MED21: variants seen among roughly 807,000 people sequenced by gnomAD.
The protein encoded by MED21 is mediator complex subunit 21.
In MED21, 9 loss-of-function variants were observed where a neutral mutation model predicts 18.2. The observed-to-expected ratio is 0.49, with a 90% confidence interval of 0.30 to 0.86. MED21 has a LOEUF of 0.86. Among genes scored for constraint, MED21 ranks in the 40% least tolerant of loss-of-function variants. MED21 has a pLI of 0.07. For synonymous variants in MED21, 73 were observed against 60.5 expected, an observed-to-expected ratio of 1.21 and a Z score of -0.96; for missense variants, 150 against 170.9, an observed-to-expected ratio of 0.88 and a Z score of 0.68.
chr12:27,031,457 C>T (rs1194366613), downstream of MED21, among the ~76,000 whole-genome samples: 2 of 152,194 alleles, frequency 1.3e-5, no homozygotes, highest in African/African-American at 4.8e-5. Flanking sequence ...TGGCATTTCA[C>T]TTTGATTTAA....
chr12:27,037,547 T>A (rs1228791362), intron 2 of MED21: 1 of 152,212 alleles, frequency 6.6e-6, no homozygotes, highest in African/African-American at 2.4e-5. Flanking sequence ...TTCCAGTTTT[T>A]GCCCATTCAG....
At position 27,029,902 on chromosome 12, in the gene MED21, A is replaced by G; in HGVS notation, c.*1441A>G. 1 of 686,966 alleles carries G rather than the reference A, an allele frequency of 1.5e-6. No homozygotes were observed. Among genetic ancestry groups the G allele is most frequent in the Non-Finnish European group, 1.8e-6 (1 of 557,588 alleles). The allele number at this position is 686,966 out of a possible 1,614,324, so 42.6% of individuals were successfully genotyped here. A position where few individuals can be genotyped will look rare whatever the true frequency, so the allele number is the denominator to read the frequency against. ...ATTTTTCAAATGAGGGAAAACTAAC[A>G]GGATTTATCACTAGTAAACCTGCTC... On this transcript the variant is annotated 3_prime_UTR_variant, in exon 4 of 4. Transcript: ENST00000282892.
In MED21 at chr12:27,030,342, C is replaced by A; in HGVS notation, c.*1881C>A. 1 of 442,542 alleles carries A rather than the reference C, an allele frequency of 2.3e-6. No homozygotes were observed. The highest frequency in any genetic ancestry group is 3.2e-5 in the East Asian group (1 of 30,996). 27.4% of individuals were successfully genotyped at this position (442,542 alleles called of 1,614,324 possible). On this transcript the variant is annotated 3_prime_UTR_variant, in exon 4 of 4. Transcript: ENST00000282892. Reference sequence around the variant, plus strand: ...TAGAGATGGGGTCTCACTCTGTTGCCCAGGCTAATGCCAAACTGCTAACCT... The same window carrying A: ...TAGAGATGGGGTCTCACTCTGTTGCACAGGCTAATGCCAAACTGCTAACCT...
Position 27,028,577 on chromosome 12 carries a change from CAT to C in MED21, c.*117_*118del. The C allele has an allele frequency of 7.2e-7, 1 of 1,389,762 alleles. No individual in the cohort carries two copies. The highest frequency in any genetic ancestry group is 9.4e-7 in the Non-Finnish European group (1 of 1,067,230). The allele number at this position is 1,389,762 out of a possible 1,614,324, so 86.1% of individuals were successfully genotyped here. On this transcript the variant is annotated 3_prime_UTR_variant, in exon 4 of 4. Coordinates refer to ENST00000282892, the MANE Select transcript of MED21 (RefSeq NM_004264.5). ...TACAGAAACATTAAACACTATGACA[CAT>C]TACCTTTTTAGCTATTTTTAATAGT...
chr12:27,028,532 A>C lies in MED21; in HGVS notation c.*71A>C. 1 of 1,522,136 alleles carries C rather than the reference A, an allele frequency of 6.6e-7. No homozygotes were observed. Among genetic ancestry groups the C allele is most frequent in the Non-Finnish European group, 8.8e-7 (1 of 1,130,034 alleles). 94.3% of individuals were successfully genotyped at this position (1,522,136 alleles called of 1,614,324 possible). On this transcript the variant is annotated 3_prime_UTR_variant, in exon 4 of 4. Coordinates refer to ENST00000282892, the MANE Select transcript of MED21 (RefSeq NM_004264.5). ...ATTAAGAATTCTGCATCAGACTTAG[A>C]TACAAGCCTTACCAACAATTACAGA...
At position 27,029,789 on chromosome 12, in the gene MED21, G is replaced by C. The variant is rs1203123229; in HGVS notation, c.*1328G>C. 1 of 988,610 alleles carries C rather than the reference G, an allele frequency of 1.0e-6. No homozygotes were observed. The highest frequency in any genetic ancestry group is 1.2e-6 in the Non-Finnish European group (1 of 831,904). The allele number at this position is 988,610 out of a possible 1,614,324, so 61.2% of individuals were successfully genotyped here. On this transcript the variant is annotated 3_prime_UTR_variant, in exon 4 of 4. Transcript: ENST00000282892. ...TCTGTACTCTTCATTATAGTTTTGG[G>C]GGGAGAGAAGATTCAGTCAGAAAAC...
intron 2 of MED21, chr12:27,037,298 G>C (rs573258462): frequency 6.6e-6 from 1 of 152,010 alleles, no homozygotes; most frequent in South Asian, 2.1e-4. Flanking sequence ...TTTGTATCCT[G>C]AGACTTTGCT....
chr12:27,032,325 A>T (rs368851689), downstream of MED21, among the ~76,000 whole-genome samples: 2 of 152,164 alleles, frequency 1.3e-5, no homozygotes, highest in African/African-American at 4.8e-5. Flanking sequence ...AGGTGGGGAG[A>T]TAAATAGAAC....
chr12:27,028,236 A>C (rs754867363), intron 3 of MED21, 49 bp from the exon 4 acceptor site: 2 of 1,504,048 alleles, frequency 1.3e-6, no homozygotes, highest in South Asian at 1.4e-5. Flanking sequence ...CATCTGTGAC[A>C]GCTTCTCTTT....
chr12:27,028,227 A>C, intron 3 of MED21, 58 bp from the exon 4 acceptor site: 1 of 1,483,066 alleles, frequency 6.7e-7, no homozygotes, highest in Non-Finnish European at 9.0e-7. Context: ...AAATAAGTAC[A>C]TCTGTGACAG....
At chr12:27,035,815 C>T (rs959996850) in intron 2 of MED21, among the ~76,000 whole-genome samples, 2 of 151,648 alleles carry the variant, frequency 1.3e-5, no homozygotes, top group Non-Finnish European at 2.9e-5. Context: ...ATATGTGCCA[C>T]ATTTTCTTAA....
chr12:27,035,689 T>A (rs530947756), downstream of MED21, among the ~76,000 whole-genome samples: 4 of 149,920 alleles, frequency 2.7e-5, no homozygotes, highest in South Asian at 8.5e-4. Context: ...ACATGCGGTG[T>A]TTGGTTTTTT....
At chr12:27,024,084 A>G (rs975729950) in intron 1 of MED21, among the ~76,000 whole-genome samples, 1 of 152,216 alleles carries the variant, frequency 6.6e-6, no homozygotes, top group Non-Finnish European at 1.5e-5. Flanking sequence ...CTGACATAAT[A>G]TGTGCATCCC....
At chr12:27,034,599 A>T (rs1941638379), downstream of MED21, among the ~76,000 whole-genome samples, 1 of 151,890 alleles carries the variant, frequency 6.6e-6, no homozygotes, top group South Asian at 2.1e-4. Flanking sequence ...GGCTTATTCC[A>T]CCAGCTAATT....
chr12:27,022,954 G>A, intron 1 of MED21: 22 of 1,146,444 alleles, frequency 1.9e-5, no homozygotes, highest in Non-Finnish European at 2.2e-5. Flanking sequence ...TGGTGCTTAC[G>A]GGTTCTCTTT....
rs1166341217 is a variant in MED21, at chr12:27,029,079, C to T, written c.*618C>T. On this transcript the variant is annotated 3_prime_UTR_variant, in exon 4 of 4. Transcript: ENST00000282892. ...AGAGATCCTCTGTCAAGAGAATTTC[C>T]TGGCTGTTGTGAAAGAATTTTTCTA... The T allele has an allele frequency of 1.0e-6, 1 of 985,402 alleles. No individual in the cohort carries two copies. The highest frequency in any genetic ancestry group is 1.2e-6 in the Non-Finnish European group (1 of 829,910). The allele number at this position is 985,402 out of a possible 1,614,324, so 61.0% of individuals were successfully genotyped here.
At chr12:27,034,209 T>C (rs914046998), downstream of MED21, among the ~76,000 whole-genome samples, 1 of 151,920 alleles carries the variant, frequency 6.6e-6, no homozygotes, top group Non-Finnish European at 1.5e-5. Flanking sequence ...TGAGGTCAGG[T>C]GTTCAAGACC....
intron 2 of MED21, chr12:27,037,622 G>T (rs56179172): frequency 2.0e-5 from 3 of 151,942 alleles, no homozygotes; most frequent in Admixed American, 6.5e-5. Context: ...CACAATAAAT[G>T]TATGTTTAAT....
In MED21 at chr12:27,026,472, C is replaced by T. The variant is rs1264925502; in HGVS notation, c.95C>T (p.Pro32Leu). 9.3e-6 allele frequency: 15 copies of T among 1,613,810 alleles called. No individual in the cohort carries two copies. The highest frequency in any genetic ancestry group is 1.3e-5 in the African/African-American group (1 of 74,918). The part of the protein sequence containing the change: ...AIGVLQQCGP[P>L]ASFNNIQTAI... ...GGAGTATTGCAGCAATGTGGTCCTCCTGCCTCTTTCAATAATATTCAGACA... is the reference window on the plus strand; with the variant it reads ...GGAGTATTGCAGCAATGTGGTCCTCTTGCCTCTTTCAATAATATTCAGACA... The change falls in exon 2 of 4, where the codon CCT (proline) becomes CTT (leucine). Residue 32 changes from proline (P) to leucine (L), a missense_variant. Pro to Leu is a moderately conservative substitution (Grantham distance 98). Transcript: ENST00000282892.
Sources: allele counts gnomAD v4.1 joint callset (sites outside exome capture counted in the v4.1 genomes callset), GRCh38; gene constraint gnomAD v4.1.1; transcripts MANE v1.5; gene names NCBI Gene and HGNC (gene_info 2026-07-23, HGNC 2026-07-21).